PSMG2: variants seen among roughly 807,000 people sequenced by gnomAD.
PSMG2 encodes CD40 ligand-activated specific transcript 3.
Under a neutral mutation model 31.5 loss-of-function variants are expected in PSMG2, and 21 were observed. The observed-to-expected ratio is 0.67, with a 90% CI of 0.47 to 0.96. PSMG2 has a LOEUF of 0.96. PSMG2 is among the 40% of genes least tolerant of loss of function. PSMG2 has a pLI of 0.00. For missense variants in PSMG2, 318 were observed against 321.2 expected (o/e 0.99, Z 0.08); for synonymous variants, 120 against 110.4 (o/e 1.09, Z -0.54).
rs2039768325 is a variant in PSMG2, at chr18:12,691,672, A to G, written c.-36-14878A>G. On this transcript the variant is annotated intron_variant, in intron 1 of 6. Transcript: ENST00000585331. ...CCCTAGTACAATCCCATCTCCATAC[A>G]ATAATCATAAGTCACCTTTTTTTCC... Among the ~76,000 whole-genome samples, 3 of 151,720 alleles carry G rather than the reference A, an allele frequency of 2.0e-5. No individual in the cohort carries two copies. In the South Asian group the frequency reaches 6.2e-4, roughly 32 times the overall value.
At chr18:12,670,051 C>T (rs1426224077) in intron 1 of PSMG2, among the ~76,000 whole-genome samples, 2 of 149,084 alleles carry the variant, frequency 1.3e-5, no homozygotes, top group African/African-American at 5.0e-5. Context: ...AAGAATAGGC[C>T]AGGTGCGATG....
intron 1 of PSMG2, among the ~76,000 whole-genome samples, chr18:12,676,887 G>T (rs2039153161): frequency 6.6e-6 from 1 of 152,164 alleles, no homozygotes; most frequent in Non-Finnish European, 1.5e-5. Context: ...TAGCCCCAAA[G>T]AACACAGAAA....
intron 1 of PSMG2, among the ~76,000 whole-genome samples, chr18:12,675,771 C>T (rs376909703): frequency 2.6e-5 from 4 of 151,756 alleles, no homozygotes; most frequent in African/African-American, 9.7e-5. Flanking sequence ...CAGGTTCAAG[C>T]GATTCTCCTG....
chr18:12,702,709 G>A (rs2040202338), upstream of PSMG2: 5 of 743,802 alleles, frequency 6.7e-6, no homozygotes, highest in South Asian at 7.9e-5. Context: ...TCAGGCCGGG[G>A]GCTGACCTGG....
At chr18:12,709,089 A>G (rs1035137493) in intron 2 of PSMG2, among the ~76,000 whole-genome samples, 10 of 151,594 alleles carry the variant, frequency 6.6e-5, no homozygotes, top group South Asian at 2.1e-4. Context: ...CCTGTTGCCC[A>G]GGCTGGAGTG....
chr18:12,672,272 A>T (rs918060601), intron 1 of PSMG2, among the ~76,000 whole-genome samples: 1 of 149,656 alleles, frequency 6.7e-6, no homozygotes, highest in Non-Finnish European at 1.5e-5. Context: ...GAGCCACCGC[A>T]CCCGGCCTAA....
At chr18:12,713,761 TTC>T (rs2040352472) in intron 3 of PSMG2, among the ~76,000 whole-genome samples, 1 of 151,882 alleles carries the variant, frequency 6.6e-6, no homozygotes, top group Non-Finnish European at 1.5e-5. Context: ...ACTCAATAAT[TTC>T]TTTCTTTTTT....
intron 1 of PSMG2, among the ~76,000 whole-genome samples, chr18:12,668,346 C>T (rs1477701219): frequency 1.3e-5 from 2 of 151,890 alleles, no homozygotes; most frequent in Non-Finnish European, 2.9e-5. Context: ...AATCTCAGCA[C>T]TTTGGGAACC....
At chr18:12,702,538 G>A (rs369087827), upstream of PSMG2, 1 of 1,607,034 alleles carries the variant, frequency 6.2e-7, no homozygotes. Flanking sequence ...TTTCTCCGGA[G>A]GCAGCGACAT....
At chr18:12,715,714 T>C (rs9966464) in intron 3 of PSMG2, among the ~76,000 whole-genome samples, 57,670 of 151,774 alleles carry the variant, frequency 0.38, 11,474 homozygotes, top group Non-Finnish European at 0.45. Context: ...CCATGTTGGC[T>C]AGGCTGGTCT....
intron 1 of PSMG2, among the ~76,000 whole-genome samples, chr18:12,675,633 T>C (rs1405534075): frequency 6.6e-6 from 1 of 152,150 alleles, no homozygotes; most frequent in Non-Finnish European, 1.5e-5. Flanking sequence ...CATATTTCTA[T>C]GGAATGTTAA....
At chr18:12,716,301 A>G (rs760090030) in intron 3 of PSMG2, among the ~76,000 whole-genome samples, 3 of 152,030 alleles carry the variant, frequency 2.0e-5, no homozygotes, top group Non-Finnish European at 4.4e-5. Flanking sequence ...ATTGTGCCAC[A>G]TGGCTTTTTG....
intron 1 of PSMG2, chr18:12,686,028 T>C (rs751018706): frequency 2.6e-4 from 96 of 370,476 alleles, no homozygotes; most frequent in Admixed American, 1.7e-4. Flanking sequence ...ATGTAAATGC[T>C]ACATAAACGT....
chr18:12,701,716 T>C (rs2040157133), upstream of PSMG2, among the ~76,000 whole-genome samples: 1 of 152,152 alleles, frequency 6.6e-6, no homozygotes, highest in Non-Finnish European at 1.5e-5. Context: ...AGCTCCGAAA[T>C]ATTAACAAAT....
chr18:12,666,377 C>A (rs957472701), intron 1 of PSMG2, among the ~76,000 whole-genome samples: 9 of 150,058 alleles, frequency 6.0e-5, no homozygotes, highest in Non-Finnish European at 1.3e-4. Flanking sequence ...AATGGTCATT[C>A]TTCAACTGTG....
At chr18:12,691,649 CT>C (rs2039767294) in intron 1 of PSMG2, among the ~76,000 whole-genome samples, 1 of 152,104 alleles carries the variant, frequency 6.6e-6, no homozygotes, top group Non-Finnish European at 1.5e-5. Flanking sequence ...ACACTTACCC[CT>C]AGTACAATCC....
intron 1 of PSMG2, chr18:12,680,696 C>A: frequency 6.2e-7 from 1 of 1,613,114 alleles, no homozygotes; most frequent in Non-Finnish European, 8.5e-7. Context: ...AAAGTGATGG[C>A]CCCATCAGTT....
At position 12,706,830 on chromosome 18, in the gene PSMG2, C is replaced by G. The variant is rs148401125; in HGVS notation, c.229+109C>G. ...GTAGCAAATGTTTACTTAGTGCCAA[C>G]TTTGTGTAGAGTTCACAACCCAATC... On this transcript the variant is annotated intron_variant, in intron 2 of 6. Transcript: ENST00000317615. The G allele has an allele frequency of 4.5e-3, 5,200 of 1,165,770 alleles. 190 individuals carry two copies. In the African/African-American group the frequency reaches 0.072, roughly 16 times the overall value. The allele number at this position is 1,165,770 out of a possible 1,614,324, so 72.2% of individuals were successfully genotyped here.
chr18:12,721,308 G>T (rs1299059298), intron 5 of PSMG2, among the ~76,000 whole-genome samples: 4 of 152,198 alleles, frequency 2.6e-5, no homozygotes, highest in African/African-American at 9.6e-5. Flanking sequence ...TTTATTTTGT[G>T]TGACTTTTTA....
Sources: allele counts gnomAD v4.1 joint callset (sites outside exome capture counted in the v4.1 genomes callset), GRCh38; gene constraint gnomAD v4.1.1; transcripts MANE v1.5; gene names NCBI Gene and HGNC (gene_info 2026-07-23, HGNC 2026-07-21).